Variants in MDGA2 observed in about 807,000 individuals in gnomAD.
MDGA2 encodes the protein MAM domain containing glycosylphosphatidylinositol anchor 2.
MDGA2 carries 40 observed loss-of-function variants against 117.8 expected under a neutral mutation model. The observed-to-expected ratio is 0.34, with a 90% CI of 0.26 to 0.44. The LOEUF is 0.44. Among genes scored for constraint, MDGA2 ranks in the 20% least tolerant of loss-of-function variants. MDGA2 has a pLI of 1.00. For missense variants in MDGA2, 1,123 were observed against 1,250.6 expected (o/e 0.90, Z 1.54); for synonymous variants, 452 against 439.0 (o/e 1.03, Z -0.37).
At chr14:47,387,186 T>G (rs1891779330) in intron 1 of MDGA2, among the ~76,000 whole-genome samples, 1 of 152,164 alleles carries the variant, frequency 6.6e-6, no homozygotes, top group Non-Finnish European at 1.5e-5. Flanking sequence ...CTCTCTAACA[T>G]TATTTCAAAA....
At chr14:47,295,823 GA>G (rs1889046333) in intron 2 of MDGA2, among the ~76,000 whole-genome samples, 2 of 152,048 alleles carry the variant, frequency 1.3e-5, no homozygotes, top group Admixed American at 1.3e-4. Flanking sequence ...AGAATCACTT[GA>G]ACCCAAGAGG....
At chr14:47,292,817 A>C (rs1888935831) in intron 2 of MDGA2, among the ~76,000 whole-genome samples, 1 of 152,152 alleles carries the variant, frequency 6.6e-6, no homozygotes, top group African/African-American at 2.4e-5. Flanking sequence ...TTTTTAGATA[A>C]GTCAAGTACC....
intron 8 of MDGA2, among the ~76,000 whole-genome samples, chr14:46,992,009 A>C (rs1484608654): frequency 6.6e-6 from 1 of 152,122 alleles, no homozygotes; most frequent in African/African-American, 2.4e-5. Context: ...CTAGGAGGAG[A>C]ATAATGGCTT....
At chr14:47,233,249 A>G (rs1366300655) in intron 2 of MDGA2, among the ~76,000 whole-genome samples, 1 of 152,150 alleles carries the variant, frequency 6.6e-6, no homozygotes, top group East Asian at 1.9e-4. Context: ...ATATTTCACA[A>G]TATTTACAAT....
intron 1 of MDGA2, among the ~76,000 whole-genome samples, chr14:47,450,036 C>T (rs545809491): frequency 7.9e-5 from 12 of 152,020 alleles, no homozygotes; most frequent in East Asian, 5.8e-4. Flanking sequence ...TTATTGTGCA[C>T]GATGTTTTCT....
At chr14:47,645,418 T>C (rs1897509212) in intron 1 of MDGA2, among the ~76,000 whole-genome samples, 1 of 151,450 alleles carries the variant, frequency 6.6e-6, no homozygotes, top group Non-Finnish European at 1.5e-5. Context: ...GTATTTTTAT[T>C]AGAGACGGAG....
At chr14:47,501,598 A>C (rs183285093) in intron 1 of MDGA2, among the ~76,000 whole-genome samples, 14 of 152,300 alleles carry the variant, frequency 9.2e-5, no homozygotes, top group Non-Finnish European at 1.5e-4. Flanking sequence ...AAGTTAAATG[A>C]GGTCAATTAA....
intron 1 of MDGA2, among the ~76,000 whole-genome samples, chr14:47,382,127 A>G (rs909901704): frequency 3.3e-5 from 5 of 152,118 alleles, no homozygotes; most frequent in East Asian, 1.9e-4. Flanking sequence ...TTAATAAATG[A>G]TGCTGGGAAA....
chr14:47,035,700 C>G (rs1210543369), intron 7 of MDGA2, among the ~76,000 whole-genome samples: 1 of 152,064 alleles, frequency 6.6e-6, no homozygotes, highest in African/African-American at 2.4e-5. Context: ...AAAGAGAAAC[C>G]TCTGATCTAA....
At chr14:46,876,173 C>A (rs1191308466) in intron 12 of MDGA2, among the ~76,000 whole-genome samples, 1 of 151,310 alleles carries the variant, frequency 6.6e-6, no homozygotes, top group Non-Finnish European at 1.5e-5. Context: ...TAAGCAACAT[C>A]AATAGCTCTC....
chr14:47,660,450 A>C (rs1321990546), intron 1 of MDGA2, among the ~76,000 whole-genome samples: 1 of 152,236 alleles, frequency 6.6e-6, no homozygotes, highest in Non-Finnish European at 1.5e-5. Context: ...TGTAGCTAAA[A>C]GCCTAAAACA....
intron 6 of MDGA2, among the ~76,000 whole-genome samples, chr14:47,090,920 T>G (rs1055464832): frequency 2.0e-5 from 3 of 152,182 alleles, no homozygotes; most frequent in African/African-American, 7.2e-5. Flanking sequence ...ACTGCAGACC[T>G]AGCCACCCTC....
intron 1 of MDGA2, among the ~76,000 whole-genome samples, chr14:47,467,795 A>G (rs1324175247): frequency 6.6e-6 from 1 of 151,278 alleles, no homozygotes; most frequent in Non-Finnish European, 1.5e-5. Context: ...TGATGCCAAT[A>G]TATCATTTTG....
At chr14:47,212,334 T>C (rs1256982153) in intron 3 of MDGA2, among the ~76,000 whole-genome samples, 4 of 152,142 alleles carry the variant, frequency 2.6e-5, no homozygotes, top group African/African-American at 4.8e-5. Flanking sequence ...AATGATCTGC[T>C]AAAATTTGGA....
chr14:47,309,502 A>G (rs1889565817), intron 1 of MDGA2, among the ~76,000 whole-genome samples: 1 of 152,094 alleles, frequency 6.6e-6, no homozygotes, highest in African/African-American at 2.4e-5. Flanking sequence ...AAAGGTTTTT[A>G]ATATTTTGTA....
intron 14 of MDGA2, among the ~76,000 whole-genome samples, chr14:46,866,995 G>C (rs1881794445): frequency 6.6e-6 from 1 of 152,002 alleles, no homozygotes; most frequent in Non-Finnish European, 1.5e-5. Flanking sequence ...GATTCCTCAG[G>C]GATCTAGAAC....
chr14:46,919,701 G>GAA (rs1884049552), intron 10 of MDGA2, among the ~76,000 whole-genome samples: 1 of 152,110 alleles, frequency 6.6e-6, no homozygotes, highest in East Asian at 1.9e-4. Context: ...TTCCTTTTAT[G>GAA]AAGTTATACC....
intron 3 of MDGA2, among the ~76,000 whole-genome samples, chr14:47,216,237 T>C (rs1334304059): frequency 1.3e-5 from 2 of 152,164 alleles, no homozygotes; most frequent in Non-Finnish European, 2.9e-5. Context: ...ATTTAACTTG[T>C]TAACCCAGCA....
chr14:47,305,464 T>G (rs1241343783), intron 1 of MDGA2: 4 of 152,198 alleles, frequency 2.6e-5, no homozygotes, highest in African/African-American at 7.2e-5. Context: ...TCCGAGGACA[T>G]TTTGGCTTTG....
Sources: gnomAD v4.1 joint callset for allele counts (sites outside exome capture counted in the v4.1 genomes callset) on GRCh38, gnomAD v4.1.1 for gene constraint, MANE v1.5 for transcripts, NCBI Gene and HGNC (gene_info 2026-07-23, HGNC 2026-07-21) for gene names.